GPC3: variants seen among roughly 807,000 people sequenced by gnomAD.
GPC3 encodes glypican 3, also known as glypican-3.
Under a neutral mutation model 34.4 loss-of-function variants are expected in GPC3, and 3 were observed. The observed-to-expected ratio is 0.09, with a 90% CI of 0.04 to 0.23. The LOEUF (loss-of-function observed/expected upper bound fraction) is 0.23. Ranked by LOEUF, GPC3 falls within the 10% of genes least tolerant of loss-of-function variation. The pLI, the probability that GPC3 is intolerant of heterozygous loss-of-function variation, is 1.00. For synonymous variants in GPC3, 177 were observed against 174.0 expected (o/e 1.02, Z -0.13); for missense variants, 351 against 445.6 (o/e 0.79, Z 1.91).
intron 6 of GPC3, among the ~76,000 whole-genome samples, chrX:133,638,378 A>G (rs952543259): frequency 5.4e-5 from 6 of 111,512 alleles, no homozygotes; most frequent in Non-Finnish European, 9.4e-5. Flanking sequence ...CCCAAACACT[A>G]GTGCTGATGA....
chrX:133,960,695 T>C (rs1238154387), intron 1 of GPC3, among the ~76,000 whole-genome samples: 1 of 107,704 alleles, frequency 9.3e-6, no homozygotes, highest in Non-Finnish European at 1.9e-5. Context: ...GAATGGCAGA[T>C]TATTTTTTTT....
At chrX:133,836,901 T>G (rs2075802359) in intron 2 of GPC3, among the ~76,000 whole-genome samples, 2 of 111,839 alleles carry the variant, frequency 1.8e-5, no homozygotes, top group African/African-American at 6.5e-5. Flanking sequence ...ATCTCTTGTG[T>G]TTTTGTACAG....
chrX:133,625,895 C>T (rs1283414274), intron 6 of GPC3, among the ~76,000 whole-genome samples: 41 of 111,144 alleles, frequency 3.7e-4, no homozygotes, highest in African/African-American at 1.3e-3. Flanking sequence ...GGAGGCATCA[C>T]GCTACCTGAC....
chrX:133,614,588 C>T (rs1408122810), intron 6 of GPC3, among the ~76,000 whole-genome samples: 2 of 110,997 alleles, frequency 1.8e-5, no homozygotes, highest in Non-Finnish European at 3.8e-5. Flanking sequence ...AGTAGACATA[C>T]CCTAGGAGAA....
At chrX:133,938,843 C>A (rs941442847) in intron 2 of GPC3, among the ~76,000 whole-genome samples, 1 of 112,079 alleles carries the variant, frequency 8.9e-6, no homozygotes, top group African/African-American at 3.2e-5. Context: ...CAACTATGGT[C>A]CTGCTTAATT....
intron 7 of GPC3, among the ~76,000 whole-genome samples, chrX:133,579,938 T>C (rs765604973): frequency 8.9e-6 from 1 of 112,784 alleles, no homozygotes; most frequent in Non-Finnish European, 1.9e-5. Context: ...TACCAAGGCA[T>C]GGGCACTGGG....
At chrX:133,870,447 C>G (rs1384024023) in intron 2 of GPC3, among the ~76,000 whole-genome samples, 2 of 111,364 alleles carry the variant, frequency 1.8e-5, no homozygotes, top group Non-Finnish European at 3.8e-5. Flanking sequence ...TTAGCTGAGC[C>G]CTGGTTATTG....
chrX:133,872,046 C>T (rs1029910433), intron 2 of GPC3, among the ~76,000 whole-genome samples: 1 of 111,105 alleles, frequency 9.0e-6, no homozygotes, highest in East Asian at 2.8e-4. Context: ...TGGGCTCAAG[C>T]GATCCTCCCA....
intron 6 of GPC3, among the ~76,000 whole-genome samples, chrX:133,629,640 T>A (rs1037281696): frequency 9.2e-6 from 1 of 108,878 alleles, no homozygotes; most frequent in African/African-American, 3.3e-5. Context: ...GTGATCTGCC[T>A]GCCTCGGCCT....
chrX:133,591,647 A>G (rs1049711358), intron 7 of GPC3, among the ~76,000 whole-genome samples: 4 of 112,004 alleles, frequency 3.6e-5, no homozygotes, highest in African/African-American at 1.3e-4. Context: ...ATTCTTTTAC[A>G]CGATAAATGT....
chrX:133,636,053 G>A lies in GPC3; in HGVS notation c.1413+25677C>T, dbSNP rs192601853. Among the ~76,000 whole-genome samples the A allele has an allele frequency of 3.8e-4, 42 of 111,079 alleles. 1 individual carries two copies. Among genetic ancestry groups the A allele is most frequent in the African/African-American group, 1.3e-3 (40 of 30,628 alleles). The stretch of plus-strand genomic sequence containing the variant: ...ATATATGGTCATTGCTTACTCTGCC[G>A]TACACACTAACAATTATTCCGAACA... On this transcript the variant is annotated intron_variant, in intron 6 of 7. Transcript: ENST00000370818.
At chrX:133,904,420 G>A (rs6529593) in intron 2 of GPC3, among the ~76,000 whole-genome samples, 9,376 of 111,627 alleles carry the variant, frequency 0.084, 978 homozygotes, top group African/African-American at 0.29. Flanking sequence ...AAGGAATAAT[G>A]AAATGGAGTG....
In GPC3 at chrX:133,754,981, C is replaced by A. The variant is rs2071713259; in HGVS notation, c.338-805G>T. On this transcript the variant is annotated intron_variant, in intron 2 of 7. Coordinates refer to ENST00000370818, the MANE Select transcript of GPC3 (RefSeq NM_004484.4). ...TTCATGATTACATCTGCTGCCCCAA[C>A]CCCTTTGCATAAAGCCCAATCAGTG... 2.7e-5 allele frequency among the ~76,000 whole-genome samples: 3 copies of A among 111,764 alleles called. No individual in the cohort carries two copies. The South Asian group carries it at 1.1e-3, about 42-fold the overall frequency.
chrX:133,972,515 A>G (rs1180397010), intron 1 of GPC3, among the ~76,000 whole-genome samples: 2 of 112,375 alleles, frequency 1.8e-5, no homozygotes, highest in East Asian at 5.6e-4. Context: ...CTACCCATCT[A>G]AGGCAGCAAA....
intron 5 of GPC3, among the ~76,000 whole-genome samples, chrX:133,680,421 G>A (rs887776442): frequency 9.0e-6 from 1 of 111,703 alleles, no homozygotes; most frequent in Admixed American, 9.5e-5. Context: ...CCAAGAAAAA[G>A]TTCATTTGGG....
At chrX:133,786,088 A>C (rs761111747) in intron 2 of GPC3, among the ~76,000 whole-genome samples, 1 of 112,601 alleles carries the variant, frequency 8.9e-6, no homozygotes, top group African/African-American at 3.2e-5. Flanking sequence ...GTCAAAATAA[A>C]GAATATATAT....
At chrX:133,910,312 A>AT in intron 2 of GPC3, among the ~76,000 whole-genome samples, 1 of 111,401 alleles carries the variant, frequency 9.0e-6, no homozygotes, top group East Asian at 2.8e-4. Context: ...TTGTAGAAGC[A>AT]CCCCCATATC....
chrX:133,773,857 T>G (rs1326956857), intron 2 of GPC3, among the ~76,000 whole-genome samples: 1 of 111,575 alleles, frequency 9.0e-6, no homozygotes, highest in East Asian at 2.8e-4. Context: ...GATAGGTCAT[T>G]TTTCCTCTCT....
intron 2 of GPC3, among the ~76,000 whole-genome samples, chrX:133,803,038 T>C (rs917988563): frequency 4.6e-5 from 5 of 108,054 alleles, no homozygotes; most frequent in Non-Finnish European, 9.6e-5. Context: ...GCAGTTCTCC[T>C]GCCTCAGCCT....
Sources: gnomAD v4.1 joint callset for allele counts (sites outside exome capture counted in the v4.1 genomes callset) on GRCh38, gnomAD v4.1.1 for gene constraint, MANE v1.5 for transcripts, NCBI Gene and HGNC (gene_info 2026-07-23, HGNC 2026-07-21) for gene names.